EPHA4: variants seen among roughly 807,000 people sequenced by gnomAD.
EPHA4 encodes the protein ephrin type-A receptor 4.
Under a neutral mutation model 108.3 loss-of-function variants are expected in EPHA4, and 19 were observed. The ratio of observed to expected loss-of-function variants is 0.18; its 90% CI spans 0.12 to 0.26. The LOEUF is 0.26. EPHA4 is among the 10% of genes least tolerant of loss of function. The pLI, the probability that EPHA4 is intolerant of heterozygous loss-of-function variation, is 1.00. For synonymous variants in EPHA4, 449 were observed against 455.5 expected (o/e 0.99, Z 0.18); for missense variants, 917 against 1,254.0 (o/e 0.73, Z 4.06).
At chr2:221,470,370 A>G (rs189877015) in intron 5 of EPHA4, among the ~76,000 whole-genome samples, 64 of 151,860 alleles carry the variant, frequency 4.2e-4, no homozygotes, top group African/African-American at 1.4e-3. Flanking sequence ...AGAAACAGGA[A>G]GAAGGCCATT....
At chr2:221,481,293 T>C (rs931221361) in intron 5 of EPHA4, among the ~76,000 whole-genome samples, 2 of 152,152 alleles carry the variant, frequency 1.3e-5, no homozygotes, top group African/African-American at 4.8e-5. Flanking sequence ...CAGAAAGTGA[T>C]GTAGGAATTG....
intron 5 of EPHA4, among the ~76,000 whole-genome samples, chr2:221,461,038 A>G (rs975239014): frequency 3.3e-5 from 5 of 152,232 alleles, no homozygotes; most frequent in Non-Finnish European, 5.9e-5. Context: ...AAACAATGTT[A>G]TCAATGTTTG....
chr2:221,572,285 T>C lies in EPHA4; in HGVS notation c.-37A>G, dbSNP rs996604597. ...GCCAACGCTGCTCCTGCCGCTTCTA[T>C]CCCAGTGGAATAAATGCTTAAGTTA... is the stretch of plus-strand genomic sequence containing the variant. On this transcript the variant is annotated 5_prime_UTR_variant, in exon 1 of 18. Transcript: ENST00000281821. 2 of 1,552,700 alleles carry C rather than the reference T, an allele frequency of 1.3e-6. No individual in the cohort carries two copies. Among genetic ancestry groups the C allele is most frequent in the Non-Finnish European group, 1.8e-6 (2 of 1,124,200 alleles).
At chr2:221,468,143 A>C (rs1233233305) in intron 5 of EPHA4, among the ~76,000 whole-genome samples, 1 of 152,084 alleles carries the variant, frequency 6.6e-6, no homozygotes, top group Non-Finnish European at 1.5e-5. Flanking sequence ...TTTTATGTGT[A>C]ACTTGGTTAG....
chr2:221,463,977 G>A (rs1452814329), intron 5 of EPHA4, among the ~76,000 whole-genome samples: 1 of 152,154 alleles, frequency 6.6e-6, no homozygotes, highest in African/African-American at 2.4e-5. Context: ...CAAATTAGAG[G>A]GTGGAGGAGG....
At chr2:221,565,184 T>A (rs1329738145) in intron 2 of EPHA4, among the ~76,000 whole-genome samples, 3 of 152,084 alleles carry the variant, frequency 2.0e-5, no homozygotes, top group Admixed American at 6.5e-5. Context: ...AAAAATAAAA[T>A]AGCAAGTGCT....
At chr2:221,486,096 C>T (rs16862758) in intron 4 of EPHA4, among the ~76,000 whole-genome samples, 3,582 of 152,222 alleles carry the variant, frequency 0.024, 131 homozygotes, top group African/African-American at 0.081. Context: ...TGTCCACCTG[C>T]GAGTAAGTCT....
intron 3 of EPHA4, among the ~76,000 whole-genome samples, chr2:221,546,450 AT>A (rs1694001190): frequency 6.6e-6 from 1 of 151,534 alleles, no homozygotes; most frequent in African/African-American, 2.4e-5. Context: ...TTTCTTTTTT[AT>A]TTTTATCAGT....
At chr2:221,450,930 G>A (rs946075641) in intron 8 of EPHA4, among the ~76,000 whole-genome samples, 1 of 152,056 alleles carries the variant, frequency 6.6e-6, no homozygotes, top group African/African-American at 2.4e-5. Context: ...ATACTGTTTT[G>A]GGGCCGGGTG....
chr2:221,563,870 T>C lies in EPHA4; in HGVS notation c.684A>G (p.Glu228=). ...AGTTGTTGACACAGGAGCCTCGAACTTCCACCAGGGAAGACGTATCAGCCC... is the reference window on the plus strand; with the variant it reads ...AGTTGTTGACACAGGAGCCTCGAACCTCCACCAGGGAAGACGTATCAGCCC... The part of the protein sequence containing the change: ...ITGADTSSLV[E]VRGSCVNNSE... Residue 228 remains glutamate, a synonymous_variant, in exon 3 of 18, where the codon GAA becomes GAG. Coordinates refer to ENST00000281821, the MANE Select transcript of EPHA4 (RefSeq NM_004438.5). 3.1e-6 allele frequency: 5 copies of C among 1,614,170 alleles called. No individual in the cohort carries two copies. The highest frequency in any genetic ancestry group is 4.2e-6 in the Non-Finnish European group (5 of 1,180,032).
At chr2:221,447,591 G>T (rs577291972) in intron 8 of EPHA4, among the ~76,000 whole-genome samples, 1 of 152,098 alleles carries the variant, frequency 6.6e-6, no homozygotes, top group African/African-American at 2.4e-5. Flanking sequence ...ATGTTTCTCC[G>T]TGGGGATAAT....
chr2:221,443,676 T>G (rs1399598271), intron 9 of EPHA4, 70 bp from the exon 10 acceptor site: 23 of 1,139,508 alleles, frequency 2.0e-5, no homozygotes, highest in South Asian at 1.9e-4. Flanking sequence ...ATAGTCTGGG[T>G]CTAAAATTAC....
intron 3 of EPHA4, among the ~76,000 whole-genome samples, chr2:221,563,495 C>T (rs1017234723): frequency 3.3e-5 from 5 of 152,134 alleles, no homozygotes; most frequent in Non-Finnish European, 7.4e-5. Context: ...GATATAAGTG[C>T]CTGTTAGCAA....
At chr2:221,546,101 C>T (rs1398419318) in intron 3 of EPHA4, among the ~76,000 whole-genome samples, 2 of 152,124 alleles carry the variant, frequency 1.3e-5, no homozygotes, top group Non-Finnish European at 1.5e-5. Context: ...TGCAAAGCAA[C>T]AGTTCAGGGA....
chr2:221,520,527 C>G (rs1170503603), intron 3 of EPHA4, among the ~76,000 whole-genome samples: 2 of 111,830 alleles, frequency 1.8e-5, no homozygotes, highest in African/African-American at 9.2e-5. Context: ...CACACACACA[C>G]ACACACACAC....
intron 7 of EPHA4, among the ~76,000 whole-genome samples, chr2:221,456,040 A>T (rs1247921252): frequency 6.6e-6 from 1 of 152,124 alleles, no homozygotes; most frequent in East Asian, 1.9e-4. Context: ...GGGTTCATTG[A>T]TTACCGGGAT....
At chr2:221,473,243 A>G (rs1338974194) in intron 5 of EPHA4, among the ~76,000 whole-genome samples, 5 of 152,218 alleles carry the variant, frequency 3.3e-5, no homozygotes, top group Non-Finnish European at 5.9e-5. Context: ...GGACACCAGA[A>G]GAAGGTTCAT....
chr2:221,536,246 G>T (rs1200584891), intron 3 of EPHA4, among the ~76,000 whole-genome samples: 1 of 152,182 alleles, frequency 6.6e-6, no homozygotes, highest in East Asian at 1.9e-4. Context: ...TAAGGAACTT[G>T]TCCATGATCA....
chr2:221,514,140 G>C (rs904733924), intron 3 of EPHA4, among the ~76,000 whole-genome samples: 1 of 151,866 alleles, frequency 6.6e-6, no homozygotes, highest in African/African-American at 2.4e-5. Context: ...TCTTCAGCTT[G>C]ATGGGTCATT....
Sources: allele counts gnomAD v4.1 joint callset (sites outside exome capture counted in the v4.1 genomes callset), GRCh38; gene constraint gnomAD v4.1.1; transcripts MANE v1.5; gene names NCBI Gene and HGNC (gene_info 2026-07-23, HGNC 2026-07-21).